The following MUCL1 variants were observed in gnomAD, a reference collection of about 807,000 sequenced individuals.
MUCL1 encodes the protein mucin-like protein 1.
A neutral mutation model predicts 9.2 loss-of-function variants in MUCL1; 11 were observed. The observed-to-expected ratio is 1.19, with a 90% CI of 0.75 to 1.97. The LOEUF (loss-of-function observed/expected upper bound fraction) is 1.97, where lower values mean the gene tolerates loss of function less well. MUCL1 is among the 30% of genes most tolerant of loss of function. MUCL1 has a pLI of 0.00. For synonymous variants in MUCL1, 48 were observed against 40.5 expected (o/e 1.19, Z -0.71); for missense variants, 144 against 110.9 (o/e 1.30, Z -1.34).
chr12:54,856,296 G>A (rs1004153516), intron 2 of MUCL1, among the ~76,000 whole-genome samples: 1 of 152,088 alleles, frequency 6.6e-6, no homozygotes, highest in African/African-American at 2.4e-5. Flanking sequence ...ATGACTCTAA[G>A]ATGAGATACG....
chr12:54,853,777 T>C (rs1018930829), upstream of MUCL1, among the ~76,000 whole-genome samples: 8 of 152,210 alleles, frequency 5.3e-5, no homozygotes, highest in Non-Finnish European at 1.0e-4. Flanking sequence ...AATTTTTGTG[T>C]GCTTTGTTCG....
chr12:54,852,999 G>A (rs1868266709), upstream of MUCL1, among the ~76,000 whole-genome samples: 1 of 152,128 alleles, frequency 6.6e-6, no homozygotes, highest in South Asian at 2.1e-4. Context: ...GTCTTTCCGA[G>A]GTTGAAGACC....
chr12:54,835,445 C>T (rs533102805), upstream of MUCL1, among the ~76,000 whole-genome samples: 24 of 152,136 alleles, frequency 1.6e-4, no homozygotes, highest in Middle Eastern at 6.8e-3. Flanking sequence ...TTAATAATGG[C>T]CATTTTGGCT....
At chr12:54,841,500 C>A (rs1052247486) in intron 1 of MUCL1, among the ~76,000 whole-genome samples, 2 of 152,190 alleles carry the variant, frequency 1.3e-5, no homozygotes, top group East Asian at 3.8e-4. Flanking sequence ...TCCTCACCAA[C>A]CCTGCCGTAC....
At chr12:54,855,439 T>A in intron 2 of MUCL1, 1 of 368,564 alleles carries the variant, frequency 2.7e-6, no homozygotes, top group Non-Finnish European at 5.1e-6. Context: ...GCATGAGGTC[T>A]GATGTTGTAG....
At chr12:54,839,406 T>G in exon 1 of MUCL1, 1 of 702,076 alleles carries the variant, frequency 1.4e-6, no homozygotes, top group Non-Finnish European at 2.6e-6. Flanking sequence ...CTGGCCAGTA[T>G]GGGAGGTGAC....
At chr12:54,832,249 G>A (rs1959186340) in intron 1 of MUCL1, among the ~76,000 whole-genome samples, 4 of 152,046 alleles carry the variant, frequency 2.6e-5, no homozygotes, top group Non-Finnish European at 5.9e-5. Flanking sequence ...AACATCAAAA[G>A]TACACTAATG....
At chr12:54,833,325 T>G (rs189160752) in intron 1 of MUCL1, among the ~76,000 whole-genome samples, 2 of 152,256 alleles carry the variant, frequency 1.3e-5, no homozygotes, top group Non-Finnish European at 2.9e-5. Context: ...CTCAGTTTAT[T>G]TTTCCTTTTA....
Position 54,858,309 on chromosome 12 carries a change from C to G in MUCL1, c.*67C>G. On this transcript the variant is annotated 3_prime_UTR_variant, in exon 4 of 4. Transcript: ENST00000308796. ...TCATGCTTCCTGTGATTTCATCCAA[C>G]TACTTACCTTGCCTACGATATCCCC... is the stretch of plus-strand genomic sequence containing the variant. 6.3e-7 allele frequency: 1 copy of G among 1,578,594 alleles called. No individual in the cohort carries two copies. Among genetic ancestry groups the G allele is most frequent in the Non-Finnish European group, 8.7e-7 (1 of 1,147,996 alleles).
chr12:54,841,338 T>A (rs1424689154), intron 1 of MUCL1, among the ~76,000 whole-genome samples: 1 of 152,228 alleles, frequency 6.6e-6, no homozygotes, highest in African/African-American at 2.4e-5. Flanking sequence ...TATAAGATGC[T>A]GATTTCCTTT....
At chr12:54,841,192 C>T (rs918495767) in intron 1 of MUCL1, among the ~76,000 whole-genome samples, 1 of 152,182 alleles carries the variant, frequency 6.6e-6, no homozygotes, top group African/African-American at 2.4e-5. Flanking sequence ...CTAAATAATA[C>T]ATACATGTAT....
At chr12:54,850,494 A>AT (rs1565777546), upstream of MUCL1, among the ~76,000 whole-genome samples, 1 of 151,800 alleles carries the variant, frequency 6.6e-6, no homozygotes, top group East Asian at 1.9e-4. Flanking sequence ...TGAACTCATC[A>AT]TTTTTTATGG....
intron 1 of MUCL1, among the ~76,000 whole-genome samples, chr12:54,847,413 C>A (rs1226765685): frequency 6.6e-6 from 1 of 152,096 alleles, no homozygotes; most frequent in Non-Finnish European, 1.5e-5. Context: ...GTCAGGAGTT[C>A]AAGACCAGCC....
upstream of MUCL1, among the ~76,000 whole-genome samples, chr12:54,837,931 T>C (rs188918428): frequency 3.9e-5 from 6 of 152,378 alleles, no homozygotes; most frequent in Admixed American, 3.9e-4. Context: ...TTCATATACA[T>C]ATTTAACATT....
chr12:54,853,333 G>A (rs1213297935), upstream of MUCL1, among the ~76,000 whole-genome samples: 2 of 152,148 alleles, frequency 1.3e-5, no homozygotes, highest in South Asian at 2.1e-4. Context: ...TGTAAATGTG[G>A]ATTGTTTTCC....
chr12:54,851,617 C>T (rs1257174640), upstream of MUCL1, among the ~76,000 whole-genome samples: 1 of 152,188 alleles, frequency 6.6e-6, no homozygotes, highest in Non-Finnish European at 1.5e-5. Context: ...GATGCCCTCT[C>T]TCACCACTCC....
chr12:54,843,503 G>A (rs181951670), intron 1 of MUCL1, among the ~76,000 whole-genome samples: 45 of 152,308 alleles, frequency 3.0e-4, no homozygotes, highest in African/African-American at 9.6e-4. Flanking sequence ...TGTGATTAAG[G>A]TCGCAGATGA....
intron 1 of MUCL1, among the ~76,000 whole-genome samples, chr12:54,841,703 T>TA (rs533555777): frequency 6.0e-4 from 91 of 152,344 alleles, no homozygotes; most frequent in African/African-American, 2.1e-3. Flanking sequence ...TTAGTATTTT[T>TA]AGTTGTTGAT....
chr12:54,836,534 C>A (rs1358874880), upstream of MUCL1, among the ~76,000 whole-genome samples: 1 of 152,120 alleles, frequency 6.6e-6, no homozygotes, highest in Non-Finnish European at 1.5e-5. Context: ...GTCAAAGAAA[C>A]AACTTTTTGT....
Sources: allele counts gnomAD v4.1 joint callset (sites outside exome capture counted in the v4.1 genomes callset), GRCh38; gene constraint gnomAD v4.1.1; transcripts MANE v1.5; gene names NCBI Gene and HGNC (gene_info 2026-07-23, HGNC 2026-07-21).